Variants in LINGO2 observed in about 807,000 individuals in gnomAD.
The protein encoded by LINGO2 is leucine rich repeat and Ig domain containing 2.
LINGO2 carries 14 observed loss-of-function variants against 30.6 expected under a neutral mutation model. The observed-to-expected ratio is 0.46, with a 90% CI of 0.30 to 0.72. The LOEUF (loss-of-function observed/expected upper bound fraction) is 0.72. LINGO2 is among the 30% of genes least tolerant of loss of function. The probability of loss-of-function intolerance (pLI) is 0.07; values close to 1 mark genes in which losing one functional copy is unlikely to be tolerated. For synonymous variants in LINGO2, 317 were observed against 288.5 expected, an observed-to-expected ratio of 1.10 and a Z score of -1.00; for missense variants, 729 against 751.7, an observed-to-expected ratio of 0.97 and a Z score of 0.35.
At chr9:28,232,419 C>CAA (rs1220539550) in intron 4 of LINGO2, among the ~76,000 whole-genome samples, 3,981 of 79,554 alleles carry the variant, frequency 0.05, 351 homozygotes, top group African/African-American at 0.15. Flanking sequence ...TTCTATCTCA[C>CAA]AAAAAAAAAA....
At chr9:28,610,965 C>T (rs748912397) in intron 1 of LINGO2, among the ~76,000 whole-genome samples, 1 of 151,958 alleles carries the variant, frequency 6.6e-6, no homozygotes, top group Non-Finnish European at 1.5e-5. Context: ...TGCCATTATC[C>T]TTAATTACCA....
chr9:28,391,148 A>T (rs1340390165), intron 2 of LINGO2, among the ~76,000 whole-genome samples: 1 of 152,170 alleles, frequency 6.6e-6, no homozygotes, highest in Non-Finnish European at 1.5e-5. Flanking sequence ...ATTACTATAT[A>T]ATGTATTATA....
At chr9:28,964,116 A>G in the LINGO2 span, among the ~76,000 whole-genome samples, 3 of 151,896 alleles carry the variant, frequency 2.0e-5, no homozygotes, top group Non-Finnish European at 4.4e-5. Context: ...ACGCATATAT[A>G]TATATACACA....
the LINGO2 span, among the ~76,000 whole-genome samples, chr9:29,018,360 C>G: frequency 7.9e-5 from 12 of 151,778 alleles, no homozygotes; most frequent in Non-Finnish European, 1.8e-4. Context: ...GTATTATGCT[C>G]ACTTCCTGGG....
chr9:28,831,213 T>C, the LINGO2 span, among the ~76,000 whole-genome samples: 1 of 152,232 alleles, frequency 6.6e-6, no homozygotes, highest in Non-Finnish European at 1.5e-5. Context: ...TTGTGTTAAT[T>C]ACCAATTTCC....
At chr9:29,071,539 A>C in the LINGO2 span, among the ~76,000 whole-genome samples, 8 of 147,000 alleles carry the variant, frequency 5.4e-5, no homozygotes, top group African/African-American at 2.0e-4. Context: ...ATACACACAC[A>C]CCTATTAAGT....
chr9:28,188,367 C>T (rs1564027754), intron 4 of LINGO2, among the ~76,000 whole-genome samples: 1 of 152,100 alleles, frequency 6.6e-6, no homozygotes, highest in Non-Finnish European at 1.5e-5. Context: ...GCAGCAGCTC[C>T]TGACTTGCAC....
chr9:28,355,752 T>C (rs1537227), intron 3 of LINGO2, among the ~76,000 whole-genome samples: 151,858 of 152,206 alleles, frequency 1, 75,755 homozygotes, highest in Non-Finnish European at 1. Context: ...GTAGTATCTG[T>C]ACGTAATACT....
the LINGO2 span, among the ~76,000 whole-genome samples, chr9:28,732,860 T>G: frequency 3.9e-3 from 593 of 152,180 alleles, 7 homozygotes; most frequent in African/African-American, 0.013. Flanking sequence ...AATCCTGGCC[T>G]GATGCAAGAA....
At chr9:28,083,705 C>T (rs986944625) in intron 4 of LINGO2, among the ~76,000 whole-genome samples, 1 of 152,104 alleles carries the variant, frequency 6.6e-6, no homozygotes, top group Non-Finnish European at 1.5e-5. Context: ...ACTTTTGTTA[C>T]CGATGCCACA....
At chr9:28,089,211 G>A (rs1479032278) in intron 4 of LINGO2, among the ~76,000 whole-genome samples, 1 of 151,994 alleles carries the variant, frequency 6.6e-6, no homozygotes, top group African/African-American at 2.4e-5. Flanking sequence ...TGCATCAAGT[G>A]GACCTAATAG....
At chr9:27,988,889 A>T (rs1287908117) in intron 5 of LINGO2, among the ~76,000 whole-genome samples, 1 of 150,800 alleles carries the variant, frequency 6.6e-6, no homozygotes, top group Middle Eastern at 3.2e-3. Context: ...AACTTGATTG[A>T]TCACTTCATC....
intron 4 of LINGO2, among the ~76,000 whole-genome samples, chr9:28,088,186 T>TTA (rs36070989): frequency 0.028 from 3,734 of 131,520 alleles, 83 homozygotes; most frequent in Middle Eastern, 0.042. Flanking sequence ...AGAAATAAGA[T>TTA]TATATATATA....
chr9:28,406,686 A>T (rs148315596), intron 2 of LINGO2, among the ~76,000 whole-genome samples: 34 of 152,326 alleles, frequency 2.2e-4, no homozygotes, highest in African/African-American at 6.3e-4. Flanking sequence ...CTAGACAAAC[A>T]TGAATCCATC....
chr9:28,502,270 A>G (rs2135320265), intron 1 of LINGO2, among the ~76,000 whole-genome samples: 1 of 152,138 alleles, frequency 6.6e-6, no homozygotes, highest in Non-Finnish European at 1.5e-5. Context: ...TCCTTTCTGC[A>G]TATGTGGTCT....
intron 5 of LINGO2, among the ~76,000 whole-genome samples, chr9:27,984,961 A>AAAC (rs1821053946): frequency 6.6e-6 from 1 of 152,038 alleles, no homozygotes; most frequent in Non-Finnish European, 1.5e-5. Context: ...TAAATGCTGT[A>AAAC]AACAATAGAG....
the LINGO2 span, among the ~76,000 whole-genome samples, chr9:28,973,731 G>C: frequency 6.6e-6 from 1 of 152,036 alleles, no homozygotes; most frequent in African/African-American, 2.4e-5. Flanking sequence ...ACTAATACAA[G>C]GTCATGGCAT....
the LINGO2 span, among the ~76,000 whole-genome samples, chr9:28,818,328 G>A: frequency 6.6e-6 from 1 of 152,108 alleles, no homozygotes; most frequent in South Asian, 2.1e-4. Flanking sequence ...TGGAGAAAAG[G>A]GAATTTAATT....
chr9:28,996,922 T>G, the LINGO2 span, among the ~76,000 whole-genome samples: 1 of 152,126 alleles, frequency 6.6e-6, no homozygotes, highest in East Asian at 1.9e-4. Context: ...TCACTAAAAG[T>G]TAGGGACATT....
Sources: allele counts gnomAD v4.1 joint callset (sites outside exome capture counted in the v4.1 genomes callset), GRCh38; gene constraint gnomAD v4.1.1; transcripts MANE v1.5; gene names NCBI Gene and HGNC (gene_info 2026-07-23, HGNC 2026-07-21).